HAUS7: variants seen among roughly 807,000 people sequenced by gnomAD.
The protein encoded by HAUS7 is HAUS augmin-like complex subunit 7.
A neutral mutation model predicts 28.4 loss-of-function variants in HAUS7; 3 were observed. The ratio of observed to expected loss-of-function variants is 0.11; its 90% confidence interval spans 0.05 to 0.27. The LOEUF (loss-of-function observed/expected upper bound fraction) is 0.27, where lower values mean the gene tolerates loss of function less well. Among genes scored for constraint, HAUS7 ranks in the 10% least tolerant of loss-of-function variants. The probability of loss-of-function intolerance (pLI) is 1.00; values close to 1 mark genes in which losing one functional copy is unlikely to be tolerated. For synonymous variants in HAUS7, 165 were observed against 132.1 expected (o/e 1.25, Z -1.71); for missense variants, 284 against 297.3 (o/e 0.96, Z 0.33).
At chrX:153,464,925 C>T in intron 3 of HAUS7, 63 bp downstream of exon 3, 1 of 769,225 alleles carries the variant, frequency 1.3e-6, no homozygotes, top group Non-Finnish European at 2.0e-6. Context: ...TCCAATGGAA[C>T]ATGCACCACC....
At chrX:153,466,334 C>T (rs1322904877) in intron 2 of HAUS7, among the ~76,000 whole-genome samples, 1 of 112,397 alleles carries the variant, frequency 8.9e-6, no homozygotes, top group East Asian at 2.8e-4. Context: ...GCTGCAGAAG[C>T]CCCAGTAGCC....
chrX:153,474,837 C>CGCAGCAAAGGAAACG (rs1344143790), upstream of HAUS7, among the ~76,000 whole-genome samples: 1 of 110,295 alleles, frequency 9.1e-6, no homozygotes. Context: ...GGGGCGCAGC[C>CGCAGCAAAGGAAACG]GCGCAGGCGG....
chrX:153,459,080 C>G (rs1179297805), intron 4 of HAUS7, among the ~76,000 whole-genome samples: 1 of 112,213 alleles, frequency 8.9e-6, no homozygotes, highest in Non-Finnish European at 1.9e-5. Flanking sequence ...TTGATTCTAG[C>G]CATCCTAGTG....
chrX:153,490,542 G>T (rs1314377266), intron 1 of HAUS7, among the ~76,000 whole-genome samples: 1 of 112,775 alleles, frequency 8.9e-6, no homozygotes, highest in Non-Finnish European at 1.9e-5. Flanking sequence ...CGCTGAGCAT[G>T]AGCTTCATGC....
chrX:153,485,329 G>A lies in HAUS7; in HGVS notation c.-589+10045C>T, dbSNP rs572182026. On this transcript the variant is annotated intron_variant, in intron 1 of 5. Transcript: ENST00000370210. Reference sequence around the variant, plus strand: ...GGAGAGGGCTTCGAGGCCGAGGACCGGCAGGGGCAGAGAGCTCCCCTGCCC... The same window carrying A: ...GGAGAGGGCTTCGAGGCCGAGGACCAGCAGGGGCAGAGAGCTCCCCTGCCC... 9.8e-5 allele frequency among the ~76,000 whole-genome samples: 11 copies of A among 111,826 alleles called. No individual in the cohort carries two copies. In the South Asian group the frequency reaches 3.0e-3, roughly 31 times the overall value.
At chrX:153,454,166 T>C (rs1556981497) in intron 9 of HAUS7, among the ~76,000 whole-genome samples, 1 of 112,868 alleles carries the variant, frequency 8.9e-6, no homozygotes, top group African/African-American at 3.2e-5. Flanking sequence ...TTGTTATCAT[T>C]TGCTTCACAT....
intron 1 of HAUS7, among the ~76,000 whole-genome samples, chrX:153,477,296 CAG>C (rs2089568485): frequency 8.8e-6 from 1 of 113,455 alleles, no homozygotes; most frequent in Non-Finnish European, 1.9e-5. Flanking sequence ...GCGGCGCAAA[CAG>C]GGGAAATGGG....
intron 1 of HAUS7, among the ~76,000 whole-genome samples, chrX:153,490,548 C>A (rs1170290640): frequency 8.9e-6 from 1 of 112,791 alleles, no homozygotes; most frequent in Non-Finnish European, 1.9e-5. Flanking sequence ...GCATGAGCTT[C>A]ATGCCGCTTC....
intron 1 of HAUS7, chrX:153,485,680 C>T (rs1260942250): frequency 3.5e-6 from 2 of 567,336 alleles, no homozygotes; most frequent in African/African-American, 5.0e-5. Context: ...CCACGCTCGT[C>T]TTGGGAGTGT....
chrX:153,470,656 C>A, upstream of HAUS7: 1 of 1,095,029 alleles, frequency 9.1e-7, no homozygotes. Context: ...CCCGCCTGCG[C>A]CCACCCCCTT....
chrX:153,481,814 T>G, intron 1 of HAUS7: 1 of 754,698 alleles, frequency 1.3e-6, no homozygotes, highest in Non-Finnish European at 1.6e-6. Context: ...GCACAGAGAA[T>G]GAAATTGCCA....
At chrX:153,450,439 C>T (rs2089224846) in intron 9 of HAUS7, among the ~76,000 whole-genome samples, 1 of 111,912 alleles carries the variant, frequency 8.9e-6, no homozygotes, top group Admixed American at 9.4e-5. Context: ...TCACCACTGC[C>T]CTGTCCCTGG....
intron 7 of HAUS7, 82 bp downstream of exon 7, chrX:153,456,183 G>A (rs782086225): frequency 1.7e-5 from 13 of 749,583 alleles, no homozygotes; most frequent in East Asian, 6.4e-5. Context: ...AGGCAACCTC[G>A]CCTAAGCCTC....
intron 1 of HAUS7, chrX:153,483,429 C>G: frequency 1.3e-6 from 1 of 755,810 alleles, no homozygotes; most frequent in Non-Finnish European, 1.6e-6. Flanking sequence ...GCACCCCGAG[C>G]CTGGATTCAT....
At chrX:153,472,863 T>G (rs1312523609), upstream of HAUS7, among the ~76,000 whole-genome samples, 1 of 75,760 alleles carries the variant, frequency 1.3e-5, no homozygotes, top group African/African-American at 5.5e-5. Flanking sequence ...CCCATTGACC[T>G]GGAGGAGGGA....
rs979249529 is a variant in HAUS7, at chrX:153,481,475, G to A, written c.-588-10330C>T. 13 of 754,786 alleles carry A rather than the reference G, an allele frequency of 1.7e-5. No homozygotes were observed. In the African/African-American group the frequency reaches 2.5e-4, roughly 15 times the overall value. The allele number at this position is 754,786 out of a possible 1,213,427, so 62.2% of individuals were successfully genotyped here. On this transcript the variant is annotated intron_variant, in intron 1 of 5. Transcript: ENST00000370210. ...CCAGGCCATGGGTGGAAAAGACCAG[G>A]AAGCACACATGGGCACAGGCACAGG...
chrX:153,485,956 C>T (rs1316033733), intron 1 of HAUS7: 3 of 974,481 alleles, frequency 3.1e-6, no homozygotes, highest in Non-Finnish European at 4.0e-6. Context: ...AGGCTGACGG[C>T]ATCCACAGCG....
At chrX:153,477,342 CA>C (rs1487943419) in intron 1 of HAUS7, among the ~76,000 whole-genome samples, 1 of 113,245 alleles carries the variant, frequency 8.8e-6, no homozygotes, top group Non-Finnish European at 1.9e-5. Context: ...CATCCCCAGG[CA>C]GGGGGAGGGG....
chrX:153,465,399 G>A (rs1043377017), intron 2 of HAUS7, among the ~76,000 whole-genome samples: 3 of 109,212 alleles, frequency 2.7e-5, no homozygotes, highest in East Asian at 2.9e-4. Flanking sequence ...TCGAAATGGC[G>A]CAGCGGGTGG....
Sources: allele counts gnomAD v4.1 joint callset (sites outside exome capture counted in the v4.1 genomes callset), GRCh38; gene constraint gnomAD v4.1.1; transcripts MANE v1.5; gene names NCBI Gene and HGNC (gene_info 2026-07-23, HGNC 2026-07-21).